PDE4D: variants seen among roughly 807,000 people sequenced by gnomAD.
PDE4D encodes 3',5'-cyclic-AMP phosphodiesterase 4D.
PDE4D carries 24 observed loss-of-function variants against 87.4 expected under a neutral mutation model. The ratio of observed to expected loss-of-function variants is 0.27; its 90% CI spans 0.20 to 0.39. The LOEUF (loss-of-function observed/expected upper bound fraction) is 0.39. PDE4D is among the 10% of genes least tolerant of loss of function. PDE4D has a pLI of 1.00. For missense variants in PDE4D, 714 were observed against 1,041.0 expected (o/e 0.69, Z 4.32); for synonymous variants, 384 against 383.2 (o/e 1.00, Z -0.02).
chr5:59,743,323 T>C (rs192666430), intron 1 of PDE4D, among the ~76,000 whole-genome samples: 14 of 152,232 alleles, frequency 9.2e-5, no homozygotes, highest in Admixed American at 5.9e-4. Context: ...CCTTGATCTA[T>C]TCAAAACATT....
chr5:60,081,912 G>T (rs1172417536), intron 2 of PDE4D, among the ~76,000 whole-genome samples: 1 of 152,082 alleles, frequency 6.6e-6, no homozygotes. Flanking sequence ...GTTTGTAGAG[G>T]TTAATGAAAG....
chr5:59,655,261 G>C (rs1405157394), intron 1 of PDE4D, among the ~76,000 whole-genome samples: 1 of 152,064 alleles, frequency 6.6e-6, no homozygotes, highest in Non-Finnish European at 1.5e-5. Flanking sequence ...GTTGTTTAAT[G>C]AATTAACACT....
rs76855783 is a variant in PDE4D at position 59,563,423 on chromosome 5, G to T, written c.455+329745C>A. 1.4e-4 allele frequency among the ~76,000 whole-genome samples: 21 copies of T among 152,290 alleles called. No individual in the cohort carries two copies. In the East Asian group the frequency reaches 4.1e-3, roughly 29 times the overall value. On this transcript the variant is annotated intron_variant, in intron 1 of 14. Transcript: ENST00000340635. ...TTATCTGCAGCCACAGTAGCCCATG[G>T]AAAGATATCCCTAACCAGTCATTCA...
intron 1 of PDE4D, among the ~76,000 whole-genome samples, chr5:59,671,725 T>A (rs1580314998): frequency 6.7e-6 from 1 of 150,292 alleles, no homozygotes; most frequent in African/African-American, 2.5e-5. Context: ...GGAGGATCAC[T>A]GGAGCCCAGC....
chr5:60,425,995 C>T (rs1039445737), intron 1 of PDE4D, among the ~76,000 whole-genome samples: 2 of 152,176 alleles, frequency 1.3e-5, no homozygotes, highest in East Asian at 3.8e-4. Context: ...TATCATCTCA[C>T]ACCAGTTAGA....
intron 1 of PDE4D, among the ~76,000 whole-genome samples, chr5:60,258,784 A>T (rs1188678610): frequency 6.6e-6 from 1 of 151,990 alleles, no homozygotes; most frequent in African/African-American, 2.4e-5. Context: ...GATTTTAAAA[A>T]TTTTATTGTA....
At chr5:60,438,040 C>G (rs1016214812) in intron 1 of PDE4D, among the ~76,000 whole-genome samples, 1 of 152,058 alleles carries the variant, frequency 6.6e-6, no homozygotes, top group South Asian at 2.1e-4. Context: ...AGTGAAGTGA[C>G]CCTTGGTGAG....
intron 2 of PDE4D, among the ~76,000 whole-genome samples, chr5:59,197,571 A>C (rs1745742739): frequency 6.6e-6 from 1 of 152,206 alleles, no homozygotes; most frequent in Non-Finnish European, 1.5e-5. Flanking sequence ...CCTCAACTCA[A>C]TATTAAAACA....
At chr5:60,086,730 T>C (rs1774571911) in intron 2 of PDE4D, among the ~76,000 whole-genome samples, 1 of 152,266 alleles carries the variant, frequency 6.6e-6, no homozygotes. Flanking sequence ...CCCATCAGTC[T>C]GGGAATCTTC....
chr5:60,413,942 C>T (rs1354464485), intron 1 of PDE4D, among the ~76,000 whole-genome samples: 2 of 152,192 alleles, frequency 1.3e-5, no homozygotes, highest in Non-Finnish European at 2.9e-5. Context: ...AAACTTTTTA[C>T]AGTTCTAAAA....
At chr5:60,320,083 T>G (rs542891959) in intron 1 of PDE4D, among the ~76,000 whole-genome samples, 7 of 152,336 alleles carry the variant, frequency 4.6e-5, no homozygotes, top group East Asian at 1.9e-4. Flanking sequence ...CCCAGAGGTG[T>G]AGTCTACAGA....
At chr5:60,192,956 T>C (rs997650239) in intron 1 of PDE4D, among the ~76,000 whole-genome samples, 1 of 152,228 alleles carries the variant, frequency 6.6e-6, no homozygotes, top group Non-Finnish European at 1.5e-5. Context: ...TTGTTTGTTT[T>C]TCAGTGCTCA....
intron 11 of PDE4D, among the ~76,000 whole-genome samples, chr5:58,987,341 TA>T (rs1003030999): frequency 6.6e-6 from 1 of 152,164 alleles, no homozygotes; most frequent in Non-Finnish European, 1.5e-5. Context: ...ACTAAACTTG[TA>T]AAAAAATACT....
chr5:59,668,969 G>A lies in PDE4D; in HGVS notation c.455+224199C>T, dbSNP rs183033232. Reference sequence around the variant, plus strand: ...CTGACTTAAAAACAGGCCTACTGAGGGTCACAGATTCTTTTGGAATATACA... The same window carrying A: ...CTGACTTAAAAACAGGCCTACTGAGAGTCACAGATTCTTTTGGAATATACA... On this transcript the variant is annotated intron_variant, in intron 1 of 14. Transcript: ENST00000340635. Among the ~76,000 whole-genome samples the A allele has an allele frequency of 1.6e-4, 24 of 151,894 alleles. No individual in the cohort carries two copies. In the East Asian group the frequency reaches 3.3e-3, roughly 21 times the overall value.
At chr5:60,099,869 C>G (rs1298152565) in intron 2 of PDE4D, among the ~76,000 whole-genome samples, 1 of 151,936 alleles carries the variant, frequency 6.6e-6, no homozygotes, top group African/African-American at 2.4e-5. Context: ...GCAGCAATTT[C>G]AGTTCTGGAA....
chr5:60,388,652 A>G (rs1762363289), intron 1 of PDE4D, among the ~76,000 whole-genome samples: 1 of 152,140 alleles, frequency 6.6e-6, no homozygotes, highest in Admixed American at 6.5e-5. Flanking sequence ...ATGTGCCTGC[A>G]TAGGACAGGA....
At chr5:59,971,264 G>A (rs1024572225) in intron 3 of PDE4D, among the ~76,000 whole-genome samples, 4 of 150,354 alleles carry the variant, frequency 2.7e-5, no homozygotes, top group East Asian at 2.0e-4. Context: ...GCTAGATGAC[G>A]AGTTAGTGGG....
intron 1 of PDE4D, among the ~76,000 whole-genome samples, chr5:59,875,662 A>G (rs1311694267): frequency 1.3e-5 from 2 of 151,458 alleles, no homozygotes; most frequent in African/African-American, 2.4e-5. Flanking sequence ...TGCTCATCAT[A>G]TTTTCCTAGT....
In PDE4D at chr5:59,429,358, G is replaced by T. The variant is rs79145600; in HGVS notation, c.456-213390C>A. Among the ~76,000 whole-genome samples, 624 of 152,210 alleles carry T rather than the reference G, an allele frequency of 4.1e-3. 26 individuals carry two copies. In the East Asian group the frequency reaches 0.076, roughly 19 times the overall value. ...AAAAGCCTTGATACTCTGGAGAAAAGAATAAAATATTGTCTCACAAAAATC... is the reference window on the plus strand; with the variant it reads ...AAAAGCCTTGATACTCTGGAGAAAATAATAAAATATTGTCTCACAAAAATC... On this transcript the variant is annotated intron_variant, in intron 1 of 14. Transcript: ENST00000340635.
Sources: gnomAD v4.1 joint callset for allele counts (sites outside exome capture counted in the v4.1 genomes callset) on GRCh38, gnomAD v4.1.1 for gene constraint, MANE v1.5 for transcripts, NCBI Gene and HGNC (gene_info 2026-07-23, HGNC 2026-07-21) for gene names.